The following KLRD1 variants were observed in gnomAD, a reference collection of about 807,000 sequenced individuals.
KLRD1 encodes killer cell lectin like receptor D1, also known as natural killer cells antigen CD94.
Under a neutral mutation model 22.6 loss-of-function variants are expected in KLRD1, and 21 were observed. The observed-to-expected ratio is 0.93, with a 90% CI of 0.66 to 1.34. The LOEUF is 1.34. Among genes scored for constraint, KLRD1 ranks in the 40% most tolerant of loss-of-function variants. The pLI is 0.00. For synonymous variants in KLRD1, 59 were observed against 71.1 expected (o/e 0.83, Z 0.85); for missense variants, 183 against 208.6 (o/e 0.88, Z 0.76).
intron 1 of KLRD1, among the ~76,000 whole-genome samples, chr12:10,273,706 A>T (rs568931651): frequency 1.3e-5 from 2 of 152,334 alleles, no homozygotes; most frequent in African/African-American, 4.8e-5. Flanking sequence ...TTCAGATATT[A>T]ATAATTCATA....
intron 1 of KLRD1, among the ~76,000 whole-genome samples, chr12:10,262,523 A>G (rs1044019888): frequency 5.3e-5 from 8 of 152,114 alleles, no homozygotes; most frequent in East Asian, 1.9e-4. Context: ...TACAAAGTGA[A>G]TATTTACCTA....
chr12:10,286,940 C>T (rs1047564823), intron 1 of KLRD1, among the ~76,000 whole-genome samples: 6 of 151,988 alleles, frequency 3.9e-5, no homozygotes, highest in East Asian at 1.9e-4. Flanking sequence ...GAGTTCGAGA[C>T]CAGCCTGGCC....
At chr12:10,306,012 A>G (rs1359999760), upstream of KLRD1, among the ~76,000 whole-genome samples, 1 of 151,376 alleles carries the variant, frequency 6.6e-6, no homozygotes, top group Non-Finnish European at 1.5e-5. Context: ...AAAAAAAAAT[A>G]CAAAAAATTA....
intron 1 of KLRD1, among the ~76,000 whole-genome samples, chr12:10,243,636 G>C (rs4763477): frequency 1.6e-4 from 20 of 124,388 alleles, no homozygotes; most frequent in Admixed American, 2.8e-4. Context: ...AAAAAAAACC[G>C]AAATGAAAGA....
At chr12:10,291,854 C>T (rs1223821920) in intron 1 of KLRD1, among the ~76,000 whole-genome samples, 1 of 152,046 alleles carries the variant, frequency 6.6e-6, no homozygotes, top group Admixed American at 6.5e-5. Flanking sequence ...CATGTGTTCT[C>T]ACTCTTCCAC....
At chr12:10,290,131 GAAC>G (rs1184631708) in intron 1 of KLRD1, among the ~76,000 whole-genome samples, 3 of 151,714 alleles carry the variant, frequency 2.0e-5, no homozygotes, top group Admixed American at 6.6e-5. Flanking sequence ...ATATTTGTAA[GAAC>G]AACAACAAGG....
rs1592102894 is a variant in KLRD1 at position 10,319,715 on chromosome 12, T to G, written c.*4922T>G. 2 of 152,088 alleles carry G rather than the reference T, an allele frequency of 1.3e-5. No homozygotes were observed. The highest frequency in any genetic ancestry group is 1.9e-4 in the East Asian group (1 of 5,160). The allele number at this position is 152,088 out of a possible 1,614,324, so 9.4% of individuals were successfully genotyped here. A position where few individuals can be genotyped will look rare whatever the true frequency, so the allele number is the denominator to read the frequency against. On this transcript the variant is annotated 3_prime_UTR_variant, in exon 6 of 6. Transcript: ENST00000336164. Reference sequence around the variant, plus strand: ...ATGAGCCTTCTTTGCTTGTATAGGCTCCAGTCTTAGTCAAGCCTTCAGATG... The same window carrying G: ...ATGAGCCTTCTTTGCTTGTATAGGCGCCAGTCTTAGTCAAGCCTTCAGATG...
rs535389521 is a variant in KLRD1 at position 10,250,358 on chromosome 12, CT to C, written c.-101+24126del. ...GCCCTTTCAGTAACATGTATTATTC[CT>C]GTTAAAGATCCTTCCCCTTGGTTTG... On this transcript the variant is annotated intron_variant, in intron 1 of 5. Coordinates refer to the KLRD1 transcript ENST00000544747. 1.4e-4 allele frequency among the ~76,000 whole-genome samples: 22 copies of C among 152,218 alleles called. No homozygotes were observed. In the South Asian group the frequency reaches 1.7e-3, roughly 11 times the overall value.
chr12:10,307,085 C>A (rs1483379311), upstream of KLRD1, among the ~76,000 whole-genome samples: 1 of 152,146 alleles, frequency 6.6e-6, no homozygotes. Flanking sequence ...ATCTCTTCCA[C>A]ATTGGAAATT....
rs2137732784 is a variant in KLRD1 at position 10,316,407 on chromosome 12, T to A, written c.*1614T>A. The stretch of plus-strand genomic sequence containing the variant: ...CACTTATTTTATTTTTTACTTTTAT[T>A]ATTTTTTTTTCTGAGACACGGTTTC... On this transcript the variant is annotated 3_prime_UTR_variant, in exon 6 of 6. Coordinates refer to ENST00000336164, the MANE Select transcript of KLRD1 (RefSeq NM_002262.5). 1 of 149,720 alleles carries A rather than the reference T, an allele frequency of 6.7e-6. No homozygotes were observed. Among genetic ancestry groups the A allele is most frequent in the Non-Finnish European group, 1.5e-5 (1 of 68,012 alleles). 9.3% of individuals were successfully genotyped at this position (149,720 alleles called of 1,614,324 possible).
At chr12:10,296,299 G>A (rs373983949) in intron 1 of KLRD1, among the ~76,000 whole-genome samples, 5 of 152,012 alleles carry the variant, frequency 3.3e-5, no homozygotes, top group East Asian at 3.9e-4. Flanking sequence ...GGTGGATCAC[G>A]AGGTCTGGAG....
Position 10,326,572 on chromosome 12 carries a change from C to T in KLRD1, c.*11779C>T. 2 of 152,208 alleles carry T rather than the reference C, an allele frequency of 1.3e-5. No individual in the cohort carries two copies. Among genetic ancestry groups the T allele is most frequent in the Admixed American group, 6.6e-5 (1 of 15,264 alleles). The allele number at this position is 152,208 out of a possible 1,614,324, so 9.4% of individuals were successfully genotyped here. On this transcript the variant is annotated 3_prime_UTR_variant, in exon 6 of 6. Transcript: ENST00000336164. Reference sequence around the variant, plus strand: ...GGGCTTCCAGGTCACAGGTAAGAGACAAATGGTTGCACCTTTTTGTTTCTG... The same window carrying T: ...GGGCTTCCAGGTCACAGGTAAGAGATAAATGGTTGCACCTTTTTGTTTCTG...
At chr12:10,286,302 A>C (rs1949702076) in intron 1 of KLRD1, among the ~76,000 whole-genome samples, 1 of 152,212 alleles carries the variant, frequency 6.6e-6, no homozygotes, top group South Asian at 2.1e-4. Context: ...GTAACTAATA[A>C]TGAATAGCTT....
chr12:10,239,468 T>C (rs1949216368), intron 1 of KLRD1, among the ~76,000 whole-genome samples: 1 of 25,092 alleles, frequency 4.0e-5, no homozygotes, highest in Non-Finnish European at 1.1e-4. Context: ...CTTCCTTCCT[T>C]CCTTCCTTCC....
At chr12:10,255,271 T>TA (rs1949384730) in intron 1 of KLRD1, among the ~76,000 whole-genome samples, 1 of 152,198 alleles carries the variant, frequency 6.6e-6, no homozygotes, top group Admixed American at 6.5e-5. Flanking sequence ...GCTAAAGGTT[T>TA]ACTAATATTG....
intron 4 of KLRD1, 85 bp downstream of exon 4, chr12:10,311,700 A>G: frequency 8.0e-7 from 1 of 1,250,874 alleles, no homozygotes; most frequent in Non-Finnish European, 1.1e-6. Context: ...GGTTTAAGTC[A>G]TTAATCACAT....
At chr12:10,248,430 G>T (rs1949312601) in intron 1 of KLRD1, among the ~76,000 whole-genome samples, 1 of 152,036 alleles carries the variant, frequency 6.6e-6, no homozygotes, top group South Asian at 2.1e-4. Context: ...GTAATGATAA[G>T]TATGTTTTGT....
chr12:10,263,152 A>G (rs1373019614), intron 1 of KLRD1, among the ~76,000 whole-genome samples: 1 of 151,962 alleles, frequency 6.6e-6, no homozygotes, highest in Non-Finnish European at 1.5e-5. Flanking sequence ...AGCTATTTTA[A>G]TATTATACAA....
upstream of KLRD1, among the ~76,000 whole-genome samples, chr12:10,305,757 A>G (rs1449622670): frequency 1.3e-5 from 2 of 152,226 alleles, no homozygotes; most frequent in Non-Finnish European, 2.9e-5. Flanking sequence ...ATAGTTCCCC[A>G]AATATTCCAA....
Sources: gnomAD v4.1 joint callset for allele counts (sites outside exome capture counted in the v4.1 genomes callset) on GRCh38, gnomAD v4.1.1 for gene constraint, MANE v1.5 for transcripts, NCBI Gene and HGNC (gene_info 2026-07-23, HGNC 2026-07-21) for gene names.